The following THRB variants were observed in gnomAD, a reference collection of about 807,000 sequenced individuals.
THRB encodes nuclear receptor subfamily 1 group A member 2.
A neutral mutation model predicts 47.8 loss-of-function variants in THRB; 12 were observed. That is an observed-to-expected ratio of 0.25 (90% CI 0.16 to 0.41). The LOEUF is 0.41. THRB is among the 10% of genes least tolerant of loss of function. The probability of loss-of-function intolerance (pLI) is 1.00; values close to 1 mark genes in which losing one functional copy is unlikely to be tolerated. For synonymous variants in THRB, 218 were observed against 212.2 expected (o/e 1.03, Z -0.24); for missense variants, 348 against 589.2 (o/e 0.59, Z 4.24).
intron 1 of THRB, among the ~76,000 whole-genome samples, chr3:24,429,034 AG>A (rs1488955345): frequency 2.0e-5 from 3 of 151,948 alleles, no homozygotes; most frequent in African/African-American, 7.2e-5. Context: ...GATTATCAAA[AG>A]AAGGAGCTGG....
chr3:24,276,682 C>T (rs1020179682), intron 3 of THRB, among the ~76,000 whole-genome samples: 1 of 152,084 alleles, frequency 6.6e-6, no homozygotes, highest in African/African-American at 2.4e-5. Flanking sequence ...GTGATGGATA[C>T]GATTACATGA....
chr3:24,343,288 C>T (rs2062799657), intron 1 of THRB, among the ~76,000 whole-genome samples: 1 of 152,078 alleles, frequency 6.6e-6, no homozygotes, highest in African/African-American at 2.4e-5. Flanking sequence ...CCTCTGACCC[C>T]ATCAAAACTG....
At chr3:24,471,412 A>C (rs2074559712) in intron 1 of THRB, among the ~76,000 whole-genome samples, 1 of 152,250 alleles carries the variant, frequency 6.6e-6, no homozygotes, top group South Asian at 2.1e-4. Flanking sequence ...CATGCTTATC[A>C]GTGCATACTA....
chr3:24,222,899 T>A (rs1402758168), intron 4 of THRB, among the ~76,000 whole-genome samples: 1 of 152,184 alleles, frequency 6.6e-6, no homozygotes, highest in African/African-American at 2.4e-5. Context: ...AAGGCCAAGT[T>A]TTATTTTTGG....
intron 3 of THRB, among the ~76,000 whole-genome samples, chr3:24,237,676 G>A (rs145891072): frequency 1.2e-4 from 19 of 152,216 alleles, no homozygotes; most frequent in South Asian, 4.2e-4. Flanking sequence ...GAATAAGGCC[G>A]TAGCTCTCAA....
At chr3:24,366,409 G>A (rs796915435) in intron 1 of THRB, among the ~76,000 whole-genome samples, 36 of 152,206 alleles carry the variant, frequency 2.4e-4, no homozygotes, top group African/African-American at 6.7e-4. Flanking sequence ...AGGTGGTAGC[G>A]ATGGCGGGAG....
chr3:24,350,506 A>G (rs989086336), intron 1 of THRB, among the ~76,000 whole-genome samples: 1 of 152,188 alleles, frequency 6.6e-6, no homozygotes, highest in Non-Finnish European at 1.5e-5. Context: ...CAAGTCAGAA[A>G]TGATAGAGTC....
chr3:24,231,031 G>A (rs1674816622), intron 3 of THRB, among the ~76,000 whole-genome samples: 1 of 152,184 alleles, frequency 6.6e-6, no homozygotes, highest in African/African-American at 2.4e-5. Flanking sequence ...GTGTCTCTCG[G>A]CTCTTCCTGA....
intron 8 of THRB, among the ~76,000 whole-genome samples, chr3:24,140,062 T>A (rs955112545): frequency 2.0e-5 from 3 of 152,258 alleles, no homozygotes; most frequent in Non-Finnish European, 4.4e-5. Flanking sequence ...CAAAGCTGTC[T>A]TTAAGTAAAG....
rs139409218 is a variant in THRB, at chr3:24,250,681, A to G, written c.-42-21680T>C. Among the ~76,000 whole-genome samples, 874 of 152,302 alleles carry G rather than the reference A, an allele frequency of 5.7e-3. 2 individuals carry two copies. The highest frequency in any genetic ancestry group is 0.01 in the Middle Eastern group (3 of 294). The stretch of plus-strand genomic sequence containing the variant: ...GCACCACTGTACTCCAGCCTGGGCA[A>G]CAGAGTGAGATCCTGTCTCTTAAAA... On this transcript the variant is annotated intron_variant, in intron 3 of 10. Transcript: ENST00000646209.
chr3:24,371,209 A>T (rs1196274778), intron 1 of THRB, among the ~76,000 whole-genome samples: 2 of 152,138 alleles, frequency 1.3e-5, no homozygotes, highest in Non-Finnish European at 2.9e-5. Context: ...GCTTAAGATT[A>T]AAGCACTCCT....
intron 2 of THRB, among the ~76,000 whole-genome samples, chr3:24,321,815 G>A (rs2058504037): frequency 6.6e-6 from 1 of 151,994 alleles, no homozygotes; most frequent in Non-Finnish European, 1.5e-5. Context: ...AATGAGATGT[G>A]CTATAAGTAT....
intron 1 of THRB, among the ~76,000 whole-genome samples, chr3:24,379,759 C>T (rs1484651353): frequency 3.3e-5 from 5 of 152,084 alleles, no homozygotes; most frequent in Admixed American, 6.6e-5. Context: ...AACTTAGATC[C>T]TCACTACTAC....
At chr3:24,495,089 G>T (rs1353113738), upstream of THRB, 1 of 152,338 alleles carries the variant, frequency 6.6e-6, no homozygotes, top group East Asian at 1.9e-4. Flanking sequence ...CGGGTCCCCC[G>T]CGTGCCCGGC....
chr3:24,419,800 A>T (rs543876096), intron 1 of THRB, among the ~76,000 whole-genome samples: 1 of 152,060 alleles, frequency 6.6e-6, no homozygotes, highest in East Asian at 2.0e-4. Context: ...CAGCAACTCT[A>T]CATTATTGTA....
intron 3 of THRB, among the ~76,000 whole-genome samples, chr3:24,234,679 G>T (rs2048686825): frequency 6.6e-6 from 1 of 152,166 alleles, no homozygotes; most frequent in Admixed American, 6.5e-5. Flanking sequence ...TGAACAAGAG[G>T]GATACAAGAT....
At chr3:24,211,601 A>C (rs1259541805) in intron 4 of THRB, among the ~76,000 whole-genome samples, 3 of 152,220 alleles carry the variant, frequency 2.0e-5, no homozygotes. Context: ...ACACAGCTTG[A>C]AAAAATAATG....
At chr3:24,452,752 G>C (rs2072790836) in intron 1 of THRB, among the ~76,000 whole-genome samples, 1 of 151,964 alleles carries the variant, frequency 6.6e-6, no homozygotes, top group African/African-American at 2.4e-5. Flanking sequence ...TTCAAAAGAT[G>C]GTCTGCTTGA....
chr3:24,450,850 C>G (rs994576123), intron 1 of THRB, among the ~76,000 whole-genome samples: 4 of 152,130 alleles, frequency 2.6e-5, no homozygotes, highest in Non-Finnish European at 5.9e-5. Context: ...TGCAGCAGCT[C>G]AGGATTAATC....
Sources: allele counts gnomAD v4.1 joint callset (sites outside exome capture counted in the v4.1 genomes callset), GRCh38; gene constraint gnomAD v4.1.1; transcripts MANE v1.5; gene names NCBI Gene and HGNC (gene_info 2026-07-23, HGNC 2026-07-21).